GPHN: variants seen among roughly 807,000 people sequenced by gnomAD.
GPHN encodes gephyrin.
GPHN carries 17 observed loss-of-function variants against 95.5 expected under a neutral mutation model. That is an observed-to-expected ratio of 0.18 (90% CI 0.12 to 0.27). GPHN has a LOEUF of 0.27. Ranked by LOEUF, GPHN falls within the 10% of genes least tolerant of loss-of-function variation. GPHN has a pLI of 1.00. For missense variants in GPHN, 660 were observed against 978.1 expected, an observed-to-expected ratio of 0.67 and a Z score of 4.34; for synonymous variants, 320 against 322.5, an observed-to-expected ratio of 0.99 and a Z score of 0.08.
chr14:66,692,404 C>G (rs2067841333), intron 2 of GPHN, among the ~76,000 whole-genome samples: 1 of 152,050 alleles, frequency 6.6e-6, no homozygotes, highest in South Asian at 2.1e-4. Flanking sequence ...TATGATGTTT[C>G]ATAATTCTGT....
intron 1 of GPHN, among the ~76,000 whole-genome samples, chr14:66,575,318 T>G (rs1208981137): frequency 6.6e-6 from 1 of 152,200 alleles, no homozygotes; most frequent in Non-Finnish European, 1.5e-5. Context: ...TTATAATGTT[T>G]CCCCTTGTAT....
At chr14:66,547,483 A>G (rs997786440) in intron 1 of GPHN, among the ~76,000 whole-genome samples, 1 of 152,240 alleles carries the variant, frequency 6.6e-6, no homozygotes, top group Non-Finnish European at 1.5e-5. Flanking sequence ...GAGAAAATAT[A>G]GTTACACAGT....
At chr14:67,575,136 G>A in the GPHN span, among the ~76,000 whole-genome samples, 1 of 152,112 alleles carries the variant, frequency 6.6e-6, no homozygotes, top group East Asian at 1.9e-4. Context: ...TATGCCTGGA[G>A]GGGACATCTG....
chr14:67,639,785 C>T, the GPHN span, among the ~76,000 whole-genome samples: 85 of 152,120 alleles, frequency 5.6e-4, no homozygotes, highest in African/African-American at 1.9e-3. Context: ...ATTCACCAGA[C>T]GTGGTGGCGC....
chr14:66,584,817 A>C (rs1327808407), intron 1 of GPHN, among the ~76,000 whole-genome samples: 1 of 151,850 alleles, frequency 6.6e-6, no homozygotes, highest in Non-Finnish European at 1.5e-5. Flanking sequence ...TTTTTGCATC[A>C]ATGTTCATCA....
chr14:66,817,160 C>A (rs1412496785), intron 3 of GPHN, among the ~76,000 whole-genome samples: 1 of 151,964 alleles, frequency 6.6e-6, no homozygotes, highest in African/African-American at 2.4e-5. Context: ...TTGTTCATAT[C>A]TCTGATGTCT....
chr14:67,046,447 T>A (rs1487689879), intron 10 of GPHN, among the ~76,000 whole-genome samples: 1 of 152,156 alleles, frequency 6.6e-6, no homozygotes, highest in Admixed American at 6.6e-5. Flanking sequence ...TTCTGAGTGA[T>A]GGAATAATGA....
At chr14:67,477,764 T>A in the GPHN span, among the ~76,000 whole-genome samples, 1 of 152,310 alleles carries the variant, frequency 6.6e-6, no homozygotes, top group South Asian at 2.1e-4. Context: ...AGACTCTGTC[T>A]CTAAAAAATA....
At chr14:67,662,683 A>G in the GPHN span, 2 of 743,604 alleles carry the variant, frequency 2.7e-6, no homozygotes, top group Non-Finnish European at 4.1e-6. Flanking sequence ...AGGCAGGTGG[A>G]TCACAAGGTC....
chr14:66,591,203 T>C (rs1223736112), intron 1 of GPHN, among the ~76,000 whole-genome samples: 4 of 152,166 alleles, frequency 2.6e-5, no homozygotes, highest in Non-Finnish European at 5.9e-5. Context: ...AATATAATAC[T>C]GAATGGGCAA....
At chr14:67,237,525 G>A in the GPHN span, among the ~76,000 whole-genome samples, 1 of 151,592 alleles carries the variant, frequency 6.6e-6, no homozygotes, top group African/African-American at 2.4e-5. Context: ...GTCTTGCTGT[G>A]TTGCCCAGGT....
chr14:66,735,629 T>C (rs1418421677), intron 2 of GPHN, among the ~76,000 whole-genome samples: 1 of 152,332 alleles, frequency 6.6e-6, no homozygotes, highest in East Asian at 1.9e-4. Context: ...CTGGGTGCCA[T>C]GAAAACATTA....
the GPHN span, among the ~76,000 whole-genome samples, chr14:67,252,037 C>T: frequency 6.6e-6 from 1 of 152,162 alleles, no homozygotes; most frequent in South Asian, 2.1e-4. Flanking sequence ...CTGGAGAAGG[C>T]ATGGAAGCTC....
At chr14:66,900,345 A>T (rs2065064994) in intron 5 of GPHN, among the ~76,000 whole-genome samples, 1 of 151,886 alleles carries the variant, frequency 6.6e-6, no homozygotes, top group African/African-American at 2.4e-5. Flanking sequence ...AGACTTTTCT[A>T]ATGTAAACTT....
At chr14:66,745,856 T>C (rs1349700830) in intron 2 of GPHN, among the ~76,000 whole-genome samples, 1 of 152,032 alleles carries the variant, frequency 6.6e-6, no homozygotes, top group Non-Finnish European at 1.5e-5. Context: ...TCTTTCTTAA[T>C]AGTCACATCA....
chr14:67,358,505 C>T, the GPHN span, among the ~76,000 whole-genome samples: 34 of 152,150 alleles, frequency 2.2e-4, 2 homozygotes, highest in African/African-American at 8.2e-4. Flanking sequence ...GTCTAAATGT[C>T]AGGGTCAAAA....
At chr14:67,486,165 T>A in the GPHN span, among the ~76,000 whole-genome samples, 5 of 152,218 alleles carry the variant, frequency 3.3e-5, no homozygotes, top group Admixed American at 6.5e-5. Context: ...TCATCTTGAA[T>A]TTCCACCATG....
rs57933607 is a variant in GPHN at position 67,134,953 on chromosome 14, C to CTTTTTTTTTT, written c.1749-8392_1749-8383dup. On this transcript the variant is annotated intron_variant, in intron 17 of 22. Coordinates refer to ENST00000478722, the MANE Select transcript of GPHN (RefSeq NM_020806.5). ...CTTTTTTTCTCTTTCTTTCTTTCTT[C>CTTTTTTTTTT]TTTTTTTTTTTTTTTTTTTTTTTTT... 3.8e-4 allele frequency among the ~76,000 whole-genome samples: 17 copies of CTTTTTTTTTT among 45,240 alleles called. 1 individual carries two copies. Among genetic ancestry groups the CTTTTTTTTTT allele is most frequent in the African/African-American group, 6.2e-4 (6 of 9,732 alleles). 29.7% of individuals were successfully genotyped at this position (45,240 alleles called of 152,430 possible).
the GPHN span, among the ~76,000 whole-genome samples, chr14:67,311,633 A>T: frequency 6.6e-6 from 1 of 152,206 alleles, no homozygotes; most frequent in Non-Finnish European, 1.5e-5. Flanking sequence ...ATAGTCTGTC[A>T]TATCTTACAG....
Sources: gnomAD v4.1 joint callset for allele counts (sites outside exome capture counted in the v4.1 genomes callset) on GRCh38, gnomAD v4.1.1 for gene constraint, MANE v1.5 for transcripts, NCBI Gene and HGNC (gene_info 2026-07-23, HGNC 2026-07-21) for gene names.